Variants in SPTBN4 observed in about 807,000 individuals in gnomAD.
The protein encoded by SPTBN4 is spectrin beta, non-erythrocytic 4.
Under a neutral mutation model 277.8 loss-of-function variants are expected in SPTBN4, and 96 were observed. The observed-to-expected ratio is 0.35, with a 90% CI of 0.29 to 0.41. The LOEUF is 0.41. SPTBN4 is among the 10% of genes least tolerant of loss of function. The pLI is 1.00. For synonymous variants in SPTBN4, 1,481 were observed against 1,580.3 expected, an observed-to-expected ratio of 0.94 and a Z score of 1.49; for missense variants, 3,006 against 3,595.7, an observed-to-expected ratio of 0.84 and a Z score of 4.19.
In SPTBN4 at chr19:40,520,078, C is replaced by T; in HGVS notation, c.3581C>T (p.Ala1194Val). The T allele has an allele frequency of 1.3e-6, 2 of 1,506,942 alleles. No homozygotes were observed. The highest frequency in any genetic ancestry group is 1.8e-6 in the Non-Finnish European group (2 of 1,132,460). The allele number at this position is 1,506,942 out of a possible 1,614,324, so 93.3% of individuals were successfully genotyped here. A position where few individuals can be genotyped will look rare whatever the true frequency, so the allele number is the denominator to read the frequency against. Residue 1194 changes from alanine to valine, a missense_variant, in exon 16 of 36, where the codon GCG (alanine) becomes GTG (valine). By Grantham distance (64) the Ala-to-Val change is moderately conservative (BLOSUM62 0). Coordinates refer to ENST00000598249, the MANE Select transcript of SPTBN4 (RefSeq NM_020971.3). ...LLGLWEARREALVQAHIYQLF... is the reference protein window; with the variant it reads ...LLGLWEARREVLVQAHIYQLF... ...GGCTTGTGGGAGGCGCGCAGGGAGGCGCTGGTCCAGGCGCACATCTACCAG... is the reference window on the plus strand; with the variant it reads ...GGCTTGTGGGAGGCGCGCAGGGAGGTGCTGGTCCAGGCGCACATCTACCAG...
chr19:40,534,386 G>A, intron 20 of SPTBN4, 43 bp downstream of exon 20: 2 of 1,597,408 alleles, frequency 1.3e-6, no homozygotes, highest in Non-Finnish European at 1.7e-6. Flanking sequence ...TATGCCACAT[G>A]GGGGCCAGGT....
chr19:40,524,518 A>C, intron 17 of SPTBN4: 1 of 449,800 alleles, frequency 2.2e-6, no homozygotes, highest in South Asian at 1.6e-5. Context: ...CCTCCAAAAA[A>C]AAAATGTGTT....
chr19:40,569,396 C>T (rs1449665297), intron 31 of SPTBN4, among the ~76,000 whole-genome samples: 1 of 148,362 alleles, frequency 6.7e-6, no homozygotes, highest in African/African-American at 2.5e-5. Context: ...CACTACACTC[C>T]AGCCTGGGCA....
At chr19:40,538,075 A>C (rs1165869169) in intron 20 of SPTBN4, among the ~76,000 whole-genome samples, 1 of 152,166 alleles carries the variant, frequency 6.6e-6, no homozygotes, top group Non-Finnish European at 1.5e-5. Flanking sequence ...GCCAGACAGG[A>C]GCTGGCACTC....
chr19:40,503,078 G>C, intron 11 of SPTBN4, 145 bp downstream of exon 11: 1 of 1,078,158 alleles, frequency 9.3e-7, no homozygotes, highest in South Asian at 1.6e-5. Context: ...GGGGATGGGA[G>C]ACTTGGCCTT....
In SPTBN4 at chr19:40,519,640, T is replaced by C; in HGVS notation, c.3143T>C (p.Leu1048Pro). The C allele has an allele frequency of 7.1e-7, 1 of 1,412,898 alleles. No individual in the cohort carries two copies. Among genetic ancestry groups the C allele is most frequent in the Non-Finnish European group, 9.1e-7 (1 of 1,095,790 alleles). 87.5% of individuals were successfully genotyped at this position (1,412,898 alleles called of 1,614,324 possible). A position where few individuals can be genotyped will look rare whatever the true frequency, so the allele number is the denominator to read the frequency against. The change falls in exon 16 of 36, where the codon CTG becomes CCG. Residue 1048 changes from leucine to proline, a missense_variant. Transcript: ENST00000598249. This position sits in a 1 kb window ranked among gnomAD's most constrained non-coding sequence, Gnocchi z 5.7. The part of the protein sequence containing the change: ...QAALLEEAAL[L>P]AERFPAQAAR... ...GCCCTTCTGGAGGAGGCAGCCCTGC[T>C]GGCTGAGCGCTTCCCGGCGCAGGCG...
intron 2 of SPTBN4, among the ~76,000 whole-genome samples, chr19:40,482,493 C>T (rs958053005): frequency 7.9e-5 from 12 of 152,204 alleles, no homozygotes; most frequent in African/African-American, 2.2e-4. Context: ...AAGAGGGCAG[C>T]GGCCACATAG....
At chr19:40,544,728 C>T (rs1433596328) in intron 20 of SPTBN4, among the ~76,000 whole-genome samples, 3 of 152,064 alleles carry the variant, frequency 2.0e-5, no homozygotes, top group East Asian at 1.9e-4. Flanking sequence ...GGATTACAGG[C>T]GTGAGCCACC....
At chr19:40,508,081 T>A (rs767914486) in intron 13 of SPTBN4, among the ~76,000 whole-genome samples, 2 of 152,166 alleles carry the variant, frequency 1.3e-5, no homozygotes, top group Non-Finnish European at 2.9e-5. Flanking sequence ...CAGCCAATCA[T>A]TGTGGCCCCA....
intron 1 of SPTBN4, among the ~76,000 whole-genome samples, chr19:40,470,779 C>A (rs1039797187): frequency 6.6e-6 from 1 of 150,822 alleles, no homozygotes; most frequent in Admixed American, 6.6e-5. Context: ...ATTACAGTAG[C>A]CCGAAACCAC....
chr19:40,550,605 C>T (rs2080907841), intron 22 of SPTBN4, among the ~76,000 whole-genome samples: 1 of 150,650 alleles, frequency 6.6e-6, no homozygotes, highest in African/African-American at 2.4e-5. Flanking sequence ...TGAGTTCAAG[C>T]GATTCTCCTG....
rs868228655 is a variant in SPTBN4, at chr19:40,551,405, A to T, written c.4674+1078A>T. ...CCCTATCTCTCTCTCTCTCTCACAC[A>T]CACACACACACACACGTCCCCCAAA... is the stretch of plus-strand genomic sequence containing the variant. On this transcript the variant is annotated intron_variant, in intron 22 of 35. Coordinates refer to ENST00000598249, the MANE Select transcript of SPTBN4 (RefSeq NM_020971.3). Among the ~76,000 whole-genome samples, 63 of 151,114 alleles carry T rather than the reference A, an allele frequency of 4.2e-4. No homozygotes were observed. The South Asian group carries it at 7.7e-3, about 18-fold the overall frequency.
rs1236269066 is a variant in SPTBN4 at position 40,513,293 on chromosome 19, A to C, written c.2504A>C (p.Gln835Pro). Residue 835 changes from glutamine to proline, a missense_variant, in exon 14 of 36, where the codon CAG becomes CCG. This residue lies in a region of SPTBN4 where 1,759 missense variants were observed against 2,061.5 expected (regional missense o/e 0.85). Coordinates refer to ENST00000598249, the MANE Select transcript of SPTBN4 (RefSeq NM_020971.3). ...GGGCCCGTGAGCGGCCTGCGGCGCCAGCTGGCGACACTCGGGGGTGCCAGT... is the reference window on the plus strand; with the variant it reads ...GGGCCCGTGAGCGGCCTGCGGCGCCCGCTGGCGACACTCGGGGGTGCCAGT... ...HRGPVSGLRR[Q>P]LATLGGASGA... The C allele has an allele frequency of 3.2e-6, 5 of 1,550,454 alleles. No homozygotes were observed. Among genetic ancestry groups the C allele is most frequent in the East Asian group, 2.4e-5 (1 of 42,358 alleles).
intron 31 of SPTBN4, among the ~76,000 whole-genome samples, chr19:40,568,984 G>A (rs1310496814): frequency 2.0e-5 from 3 of 152,090 alleles, no homozygotes; most frequent in African/African-American, 7.2e-5. Context: ...CCTGACTTTA[G>A]AGACTCACAG....
At chr19:40,474,763 G>A (rs761332528) in intron 2 of SPTBN4, among the ~76,000 whole-genome samples, 5 of 152,012 alleles carry the variant, frequency 3.3e-5, no homozygotes, top group Non-Finnish European at 5.9e-5. Flanking sequence ...GTGGTGGTGG[G>A]CACCTGTAAT....
At chr19:40,565,204 G>A (rs1825758107) in intron 27 of SPTBN4, among the ~76,000 whole-genome samples, 1 of 151,908 alleles carries the variant, frequency 6.6e-6, no homozygotes, top group Non-Finnish European at 1.5e-5. Flanking sequence ...GGTGGAGTTT[G>A]CAGTGAGCCG....
intron 1 of SPTBN4, among the ~76,000 whole-genome samples, chr19:40,471,471 A>G (rs1005413799): frequency 2.0e-5 from 3 of 152,214 alleles, no homozygotes; most frequent in East Asian, 1.9e-4. Flanking sequence ...ACAGAACTCT[A>G]TTGTTCTAAT....
intron 16 of SPTBN4, among the ~76,000 whole-genome samples, chr19:40,522,871 C>T (rs564655659): frequency 1.3e-5 from 2 of 152,010 alleles, no homozygotes; most frequent in South Asian, 4.2e-4. Context: ...GTGGCTCACG[C>T]CTGTAATCCC....
At chr19:40,561,446 A>G (rs1376909946) in intron 27 of SPTBN4, among the ~76,000 whole-genome samples, 2 of 152,262 alleles carry the variant, frequency 1.3e-5, no homozygotes, top group African/African-American at 4.8e-5. Context: ...TATTAAATGC[A>G]TATGGTGTGC....
Sources: gnomAD v4.1 joint callset for allele counts (sites outside exome capture counted in the v4.1 genomes callset) on GRCh38, gnomAD v4.1.1 for gene constraint, gnomAD v4.1.1 regional missense constraint, Gnocchi (gnomAD v3.1) non-coding constraint, MANE v1.5 for transcripts, NCBI Gene and HGNC (gene_info 2026-07-23, HGNC 2026-07-21) for gene names.